ULK2: variants seen among roughly 807,000 people sequenced by gnomAD.
The protein encoded by ULK2 is serine/threonine-protein kinase ULK2.
ULK2 carries 76 observed loss-of-function variants against 127.5 expected under a neutral mutation model. The observed-to-expected ratio is 0.60, with a 90% CI of 0.50 to 0.72. The LOEUF is 0.72. Ranked by LOEUF, ULK2 falls within the 30% of genes least tolerant of loss-of-function variation. The pLI is 0.00. For missense variants in ULK2, 1,144 were observed against 1,295.9 expected (o/e 0.88, Z 1.80); for synonymous variants, 452 against 461.9 (o/e 0.98, Z 0.28).
Position 19,867,337 on chromosome 17 carries a change from C to T in ULK2, c.81G>A (p.Arg27=). ...CCCGGCCGGCGCTCACCTGGCGGTG[C>T]CGCCCCCGGAAGACCACGGCGAAGG... ...HGAFAVVFRG[R]HRQKTDWEVA... Residue 27 remains arginine, a synonymous_variant, in exon 1 of 27, where the codon CGG becomes CGA. Coordinates refer to ENST00000395544, the MANE Select transcript of ULK2 (RefSeq NM_014683.4). The T allele has an allele frequency of 3.8e-6, 6 of 1,596,528 alleles. No homozygotes were observed. The highest frequency in any genetic ancestry group is 1.1e-5 in the South Asian group (1 of 88,952).
chr17:19,826,267 A>G, intron 10 of ULK2, 81 bp from the exon 11 acceptor site: 1 of 808,806 alleles, frequency 1.2e-6, no homozygotes, highest in East Asian at 3.1e-5. Flanking sequence ...CAACGTATTC[A>G]ATATAATGTC....
Position 19,782,000 on chromosome 17 carries a change from A to G in ULK2, c.2528T>C (p.Leu843Pro), listed in dbSNP as rs1293828152. The change falls in exon 23 of 27, where the codon CTG (leucine) becomes CCG (proline). Residue 843 changes from leucine (L) to proline (P), a missense_variant. By Grantham distance (98) the Leu-to-Pro change is moderately conservative. Transcript: ENST00000395544. ...MLMFTECVLD[L>P]TAMRGGNPEL... is the part of the protein sequence containing the mutation. Reference sequence around the variant, plus strand: ...AGGGTTTCCTCCCCTCATGGCTGTCAGGTCCAGCACACACTCAGTGAACAT... The same window carrying G: ...AGGGTTTCCTCCCCTCATGGCTGTCGGGTCCAGCACACACTCAGTGAACAT... 2 of 1,614,234 alleles carry G rather than the reference A, an allele frequency of 1.2e-6. No homozygotes were observed. Among genetic ancestry groups the G allele is most frequent in the Non-Finnish European group, 1.7e-6 (2 of 1,180,034 alleles).
intron 3 of ULK2, among the ~76,000 whole-genome samples, chr17:19,857,704 T>C (rs1201811253): frequency 6.6e-6 from 1 of 152,200 alleles, no homozygotes; most frequent in African/African-American, 2.4e-5. Flanking sequence ...GAGATTTATC[T>C]TTTGAAAAAC....
intron 12 of ULK2, among the ~76,000 whole-genome samples, chr17:19,817,534 G>A (rs180810376): frequency 3.3e-5 from 5 of 152,194 alleles, no homozygotes; most frequent in Non-Finnish European, 5.9e-5. Flanking sequence ...TTGTTAGTAG[G>A]AGATAGGATA....
chr17:19,807,930 C>T (rs1299202488), intron 14 of ULK2, among the ~76,000 whole-genome samples: 1 of 152,040 alleles, frequency 6.6e-6, no homozygotes, highest in Non-Finnish European at 1.5e-5. Flanking sequence ...CATGGCGAAA[C>T]CCCGTCTCTA....
At position 19,804,736 on chromosome 17, in the gene ULK2, T is replaced by A; in HGVS notation, c.1252A>T (p.Thr418Ser). 1 of 1,609,954 alleles carries A rather than the reference T, an allele frequency of 6.2e-7. No individual in the cohort carries two copies. Among genetic ancestry groups the A allele is most frequent in the Non-Finnish European group, 8.5e-7 (1 of 1,177,692 alleles). ...RNYQRIEQNL[T>S]STASSGTNVH... is the part of the protein sequence containing the mutation. Reference sequence around the variant, plus strand: ...TTTGTGCCTGAGCTGGCAGTAGATGTAAGATTCTGCTCTATGCGCTGATAA... The same window carrying A: ...TTTGTGCCTGAGCTGGCAGTAGATGAAAGATTCTGCTCTATGCGCTGATAA... The change falls in exon 15 of 27, where the codon ACA becomes TCA. Residue 418 changes from threonine (T) to serine (S), a missense_variant. Transcript: ENST00000395544.
rs1253959092 is a variant in ULK2 at position 19,867,863 on chromosome 17, G to C, written c.-446C>G. The C allele has an allele frequency of 6.6e-6, 1 of 150,752 alleles. No homozygotes were observed. The highest frequency in any genetic ancestry group is 2.4e-5 in the African/African-American group (1 of 41,244). The allele number at this position is 150,752 out of a possible 1,614,324, so 9.3% of individuals were successfully genotyped here. On this transcript the variant is annotated 5_prime_UTR_variant, in exon 1 of 27. Transcript: ENST00000395544. ...CGGCCGCCGCCCTAGAACCCGCACC[G>C]CCGCGGCCCCGCGCTTCCCCGCCTC...
chr17:19,846,929 C>T lies in ULK2; in HGVS notation c.296-19G>A, dbSNP rs755155693. 6.9e-6 allele frequency: 11 copies of T among 1,587,082 alleles called. No homozygotes were observed. Among genetic ancestry groups the T allele is most frequent in the African/African-American group, 2.7e-5 (2 of 74,046 alleles). ...CCTTTCGCTGGTACAAAAGGAGTCACGTAAATATTTAAGCACACAAAATCA... is the reference window on the plus strand; with the variant it reads ...CCTTTCGCTGGTACAAAAGGAGTCATGTAAATATTTAAGCACACAAAATCA... On this transcript the variant is annotated intron_variant, in intron 5 of 26. Coordinates refer to ENST00000395544, the MANE Select transcript of ULK2 (RefSeq NM_014683.4).
chr17:19,840,097 C>A (rs1346129832), intron 9 of ULK2: 3 of 353,184 alleles, frequency 8.5e-6, no homozygotes, highest in African/African-American at 2.1e-5. Context: ...CATACAGTGG[C>A]AGGTGCAGTT....
chr17:19,795,509 C>T, intron 20 of ULK2, 113 bp downstream of exon 20: 2 of 891,058 alleles, frequency 2.2e-6, no homozygotes, highest in Admixed American at 1.8e-5. Context: ...TGAAATAATA[C>T]ATTTGTGTTG....
At chr17:19,848,011 G>A (rs570402157) in intron 5 of ULK2, among the ~76,000 whole-genome samples, 1 of 152,192 alleles carries the variant, frequency 6.6e-6, no homozygotes, top group East Asian at 1.9e-4. Flanking sequence ...AAAAGTTGAT[G>A]AGAATAACTA....
At chr17:19,778,162 A>G (rs2086846847) in intron 25 of ULK2, among the ~76,000 whole-genome samples, 1 of 152,202 alleles carries the variant, frequency 6.6e-6, no homozygotes, top group Admixed American at 6.5e-5. Flanking sequence ...GTAGTCATTC[A>G]TTCATTCAAA....
In ULK2 at chr17:19,780,515, C is replaced by T. The variant is rs770803090; in HGVS notation, c.2873G>A (p.Ser958Asn). 1 of 1,613,634 alleles carries T rather than the reference C, an allele frequency of 6.2e-7. No individual in the cohort carries two copies. The highest frequency in any genetic ancestry group is 1.1e-5 in the South Asian group (1 of 90,888). Residue 958 changes from serine (S) to asparagine (N), a missense_variant, in exon 25 of 27, where the codon AGT (serine) becomes AAT (asparagine). Physicochemically the swap from Ser to Asn is conservative, Grantham distance 46 (BLOSUM62 1). Coordinates refer to ENST00000395544, the MANE Select transcript of ULK2 (RefSeq NM_014683.4). ...ATAGATGAGTTTCTCTGCAGTCACA[C>T]TGTTGATTTCATCAATAAACCTCTG... ...DKQRFIDEIN[S>N]VTAEKLIYNC...
At chr17:19,795,470 T>A in intron 20 of ULK2, 152 bp downstream of exon 20, 1 of 644,864 alleles carries the variant, frequency 1.6e-6, no homozygotes, top group East Asian at 2.8e-5. Context: ...AGAAGGAAGA[T>A]GAGAGGATAG....
chr17:19,825,983 T>C (rs1402434561), intron 11 of ULK2, among the ~76,000 whole-genome samples, 156 bp downstream of exon 11: 1 of 12,344 alleles, frequency 8.1e-5, no homozygotes, highest in African/African-American at 1.7e-4. Context: ...CGAAACTCCA[T>C]CTCAAAAAAA....
chr17:19,839,468 C>T (rs754222892), intron 9 of ULK2, among the ~76,000 whole-genome samples: 1 of 151,974 alleles, frequency 6.6e-6, no homozygotes, highest in Non-Finnish European at 1.5e-5. Flanking sequence ...AGTTCAAGAC[C>T]AGCCTGAACA....
At chr17:19,831,258 C>T (rs1157901531) in intron 10 of ULK2, among the ~76,000 whole-genome samples, 2 of 151,986 alleles carry the variant, frequency 1.3e-5, no homozygotes, top group African/African-American at 4.8e-5. Context: ...AATCCGCCCC[C>T]ATGATTCACT....
chr17:19,822,215 A>G (rs181819336), intron 12 of ULK2, among the ~76,000 whole-genome samples: 73 of 146,754 alleles, frequency 5.0e-4, no homozygotes, highest in Non-Finnish European at 9.2e-4. Flanking sequence ...CAAACTCCTA[A>G]TCTCAAGCGA....
In ULK2 at chr17:19,786,086, G is replaced by C; in HGVS notation, c.2102C>G (p.Ala701Gly). ...SLNTERPMDI[A>G]PAGACGGVLA... ...AACACCACCACAGGCTCCTGCCGGA[G>C]CTACAACAAAAAGTTTATAGAAGGT... Residue 701 changes from alanine to glycine, a missense_variant and splice_region_variant, in exon 21 of 27, where the codon GCT (alanine) becomes GGT (glycine). Ala to Gly is a moderately conservative substitution (Grantham distance 60). This residue lies in a region of ULK2 where 913 missense variants were observed against 970.5 expected (regional missense o/e 0.94). Coordinates refer to ENST00000395544, the MANE Select transcript of ULK2 (RefSeq NM_014683.4). 6.4e-7 allele frequency: 1 copy of C among 1,559,124 alleles called. No individual in the cohort carries two copies.
Sources: allele counts gnomAD v4.1 joint callset (sites outside exome capture counted in the v4.1 genomes callset), GRCh38; gene constraint gnomAD v4.1.1; regional missense constraint gnomAD v4.1.1; transcripts MANE v1.5; gene names NCBI Gene and HGNC (gene_info 2026-07-23, HGNC 2026-07-21).